TDRD3: variants seen among roughly 807,000 people sequenced by gnomAD.
The protein encoded by TDRD3 is tudor domain containing 3.
In TDRD3, 45 loss-of-function variants were observed where a neutral mutation model predicts 86.7. The observed-to-expected ratio is 0.52, with a 90% CI of 0.41 to 0.67. The LOEUF (loss-of-function observed/expected upper bound fraction) is 0.67. Among genes scored for constraint, TDRD3 ranks in the 30% least tolerant of loss-of-function variants. TDRD3 has a pLI of 0.00. For missense variants in TDRD3, 814 were observed against 889.0 expected, an observed-to-expected ratio of 0.92 and a Z score of 1.07; for synonymous variants, 298 against 301.7, an observed-to-expected ratio of 0.99 and a Z score of 0.13.
At chr13:60,471,947 T>G (rs1376552667) in intron 5 of TDRD3, among the ~76,000 whole-genome samples, 1 of 152,138 alleles carries the variant, frequency 6.6e-6, no homozygotes, top group Non-Finnish European at 1.5e-5. Context: ...CTCTTGTTCT[T>G]GATCTTAGAG....
chr13:60,488,436 T>C (rs1956499352), intron 7 of TDRD3, among the ~76,000 whole-genome samples: 3 of 152,202 alleles, frequency 2.0e-5, no homozygotes, highest in Admixed American at 2.0e-4. Context: ...ACAAAAAAAC[T>C]GTCTATGGGA....
chr13:60,495,413 C>G (rs554133519), intron 8 of TDRD3, among the ~76,000 whole-genome samples: 1 of 151,898 alleles, frequency 6.6e-6, no homozygotes, highest in Non-Finnish European at 1.5e-5. Flanking sequence ...TCGTGAGAGA[C>G]TGGAGTTTTA....
chr13:60,418,941 ATTTG>A (rs1954589213), intron 1 of TDRD3, among the ~76,000 whole-genome samples: 2 of 152,096 alleles, frequency 1.3e-5, no homozygotes, highest in Non-Finnish European at 1.5e-5. Flanking sequence ...GTATACCATA[ATTTG>A]TTTGGTCATT....
Position 60,467,354 on chromosome 13 carries a change from T to C in TDRD3, c.470T>C (p.Leu157Pro). Residue 157 changes from leucine (L) to proline (P), a missense_variant, in exon 5 of 14, where the codon CTT becomes CCT. Physicochemically the swap from Leu to Pro is moderately conservative, Grantham distance 98. Transcript: ENST00000377881. ...GTTCTTGGTGGTGAAGTGGAACACC[T>C]TATTGAGAAATGGGAGTTACAGAGA... ...TTVLGGEVEHLIEKWELQRSL... is the reference protein window; with the variant it reads ...TTVLGGEVEHPIEKWELQRSL... The C allele has an allele frequency of 6.2e-7, 1 of 1,613,812 alleles. No homozygotes were observed. The highest frequency in any genetic ancestry group is 8.5e-7 in the Non-Finnish European group (1 of 1,179,828).
chr13:60,525,166 CTTT>C (rs71199006), intron 10 of TDRD3, among the ~76,000 whole-genome samples: 1 of 56,092 alleles, frequency 1.8e-5, no homozygotes. Context: ...TAAGGGAATT[CTTT>C]TTTTTTTTTT....
intron 1 of TDRD3, among the ~76,000 whole-genome samples, chr13:60,421,659 A>G (rs1215669682): frequency 6.6e-6 from 1 of 152,228 alleles, no homozygotes; most frequent in Non-Finnish European, 1.5e-5. Context: ...TGTGTAAAAC[A>G]ATGCTCTCAA....
At chr13:60,402,298 A>T (rs113975554) in intron 1 of TDRD3, among the ~76,000 whole-genome samples, 2,163 of 152,346 alleles carry the variant, frequency 0.014, 24 homozygotes, top group Middle Eastern at 0.051. Context: ...TTCAGATGAG[A>T]AACATTGTGT....
chr13:60,479,981 C>A (rs7995497), intron 5 of TDRD3, among the ~76,000 whole-genome samples: 16,560 of 152,102 alleles, frequency 0.11, 1,184 homozygotes, highest in African/African-American at 0.2. Context: ...TTAAGTGTGT[C>A]ATTTAACCAG....
intron 11 of TDRD3, among the ~76,000 whole-genome samples, chr13:60,532,411 A>C (rs1957604213): frequency 6.6e-6 from 1 of 152,180 alleles, no homozygotes; most frequent in South Asian, 2.1e-4. Context: ...TACCCTGTGA[A>C]AGAGATGGAA....
intron 1 of TDRD3, among the ~76,000 whole-genome samples, chr13:60,413,736 A>T (rs1295091067): frequency 6.6e-6 from 1 of 152,144 alleles, no homozygotes; most frequent in Non-Finnish European, 1.5e-5. Flanking sequence ...TCTATTTTAG[A>T]TTACCTTATA....
chr13:60,572,256 A>G (rs1595138673), intron 13 of TDRD3, among the ~76,000 whole-genome samples: 1 of 152,216 alleles, frequency 6.6e-6, no homozygotes, highest in African/African-American at 2.4e-5. Flanking sequence ...TGGCTACAAT[A>G]GAGAATATGA....
chr13:60,555,971 C>T (rs1850317759), intron 12 of TDRD3, among the ~76,000 whole-genome samples: 1 of 151,720 alleles, frequency 6.6e-6, no homozygotes, highest in South Asian at 2.1e-4. Context: ...CTGCCTCAGC[C>T]TCCTTAGTAG....
intron 5 of TDRD3, among the ~76,000 whole-genome samples, chr13:60,471,345 A>G (rs187828769): frequency 1.9e-4 from 29 of 152,282 alleles, no homozygotes; most frequent in African/African-American, 6.7e-4. Context: ...TTATTTGGCC[A>G]TATATGAACA....
chr13:60,422,451 C>T (rs1302032027), intron 1 of TDRD3, among the ~76,000 whole-genome samples: 1 of 152,082 alleles, frequency 6.6e-6, no homozygotes, highest in Non-Finnish European at 1.5e-5. Flanking sequence ...AATTCTTTTT[C>T]CCCAAAACAA....
chr13:60,529,409 A>G (rs766798242), intron 11 of TDRD3, among the ~76,000 whole-genome samples, 192 bp downstream of exon 11: 4 of 152,182 alleles, frequency 2.6e-5, no homozygotes, highest in African/African-American at 9.7e-5. Context: ...CCTAGGGACA[A>G]TCTGTCCCGT....
In TDRD3 at chr13:60,509,883, A is replaced by G. The variant is rs1273679875; in HGVS notation, c.979A>G (p.Asn327Asp). The G allele has an allele frequency of 3.7e-6, 6 of 1,613,762 alleles. No homozygotes were observed. Among genetic ancestry groups the G allele is most frequent in the Admixed American group, 1.7e-5 (1 of 60,016 alleles). Residue 327 changes from asparagine to aspartate, a missense_variant, in exon 9 of 14, where the codon AAT (asparagine) becomes GAT (aspartate). Asn to Asp is a conservative substitution (Grantham distance 23). Coordinates refer to ENST00000377881, the MANE Select transcript of TDRD3 (RefSeq NM_001146070.2). ...AGCACTGAACGTACTTCTTACAAGC[A>G]ATAAACAGAAACCTGTTATGGGTCC... is the stretch of plus-strand genomic sequence containing the variant. ...EAALNVLLTS[N>D]KQKPVMGPPL...
At chr13:60,456,498 A>T (rs1346271474) in intron 3 of TDRD3, among the ~76,000 whole-genome samples, 1 of 152,202 alleles carries the variant, frequency 6.6e-6, no homozygotes, top group African/African-American at 2.4e-5. Flanking sequence ...AATTTTTTAG[A>T]GTAATTTCTT....
intron 5 of TDRD3, among the ~76,000 whole-genome samples, chr13:60,469,159 C>A (rs1271379277): frequency 6.6e-6 from 1 of 152,016 alleles, no homozygotes; most frequent in East Asian, 1.9e-4. Flanking sequence ...GAAAATGTCC[C>A]AAAAAAGTAA....
At chr13:60,563,595 A>T (rs1040596582) in intron 12 of TDRD3, among the ~76,000 whole-genome samples, 4 of 152,126 alleles carry the variant, frequency 2.6e-5, no homozygotes, top group Non-Finnish European at 5.9e-5. Context: ...GCCTCTACCC[A>T]TTAGAGGGAA....
Sources: allele counts gnomAD v4.1 joint callset (sites outside exome capture counted in the v4.1 genomes callset), GRCh38; gene constraint gnomAD v4.1.1; transcripts MANE v1.5; gene names NCBI Gene and HGNC (gene_info 2026-07-23, HGNC 2026-07-21).